Variants in C3 observed in about 807,000 individuals in gnomAD.
C3 encodes C3 and PZP-like alpha-2-macroglobulin domain-containing protein 1.
In C3, 97 loss-of-function variants were observed where a neutral mutation model predicts 207.9. The observed-to-expected ratio is 0.47, with a 90% confidence interval of 0.40 to 0.55. The LOEUF (loss-of-function observed/expected upper bound fraction) is 0.55, where lower values mean the gene tolerates loss of function less well. Ranked by LOEUF, C3 falls within the 20% of genes least tolerant of loss-of-function variation. The pLI is 0.00. For missense variants in C3, 1,684 were observed against 2,171.7 expected (o/e 0.78, Z 4.46); for synonymous variants, 848 against 857.6 (o/e 0.99, Z 0.20).
chr19:6,682,857 A>T (rs896255488), intron 33 of C3: 2 of 155,904 alleles, frequency 1.3e-5, no homozygotes, highest in African/African-American at 4.8e-5. Context: ...ACAACAATGT[A>T]TCACGAAAAG....
At position 6,681,969 on chromosome 19, in the gene C3, C is replaced by T. The variant is rs1176017907; in HGVS notation, c.4322G>A (p.Arg1441Lys). The T allele has an allele frequency of 1.2e-6, 2 of 1,614,040 alleles. No individual in the cohort carries two copies. The change falls in exon 35 of 41, where the codon AGG (arginine) becomes AAG (lysine). Residue 1441 changes from arginine to lysine, a missense_variant. Around this residue, in one of 3 missense-constraint regions of C3, gnomAD observed 346 missense variants for 380.1 expected, o/e 0.91. Coordinates refer to ENST00000245907, the MANE Select transcript of C3 (RefSeq NM_000064.4). Reference protein sequence around the residue: ...KYELDKAFSDRNTLIIYLDKV... With the variant: ...KYELDKAFSDKNTLIIYLDKV... ...GTCCAGGTAGATGATGAGGGTGTTC[C>T]TATCGGAGAAGGCTTTGTCCAGCTC...
intron 17 of C3, among the ~76,000 whole-genome samples, chr19:6,703,758 C>G (rs1287409065): frequency 6.6e-6 from 1 of 151,876 alleles, no homozygotes; most frequent in Non-Finnish European, 1.5e-5. Context: ...GTGCAGAACA[C>G]TGAAGAAGCG....
chr19:6,710,584 G>C, intron 13 of C3, 55 bp downstream of exon 13: 1 of 1,358,184 alleles, frequency 7.4e-7, no homozygotes, highest in Non-Finnish European at 1.0e-6. Flanking sequence ...GAGAGAGAGA[G>C]AGAGAGAGGA....
At chr19:6,700,178 G>T (rs375678626) in intron 19 of C3, among the ~76,000 whole-genome samples, 1 of 136,942 alleles carries the variant, frequency 7.3e-6, no homozygotes. Context: ...CATATTATAT[G>T]TTTACATAAT....
At chr19:6,702,964 G>A (rs1967705440) in intron 17 of C3, 1 of 305,130 alleles carries the variant, frequency 3.3e-6, no homozygotes, top group South Asian at 3.1e-5. Context: ...AACCCAGGAG[G>A]TGGAGGTTGC....
chr19:6,697,049 T>TAAA lies in C3; in HGVS notation c.2796+292_2796+294dup, dbSNP rs202245108. Among the ~76,000 whole-genome samples the TAAA allele has an allele frequency of 1.2e-3, 114 of 91,524 alleles. 1 individual carries two copies. Among genetic ancestry groups the TAAA allele is most frequent in the African/African-American group, 3.9e-3 (104 of 26,418 alleles). The allele number at this position is 91,524 out of a possible 152,430, so 60.0% of individuals were successfully genotyped here. ...AGAGTGAGACTCTGTCTCAAAAAAATAAACAAACAAATAAATAAATAAATA... is the reference window on the plus strand; with the variant it reads ...AGAGTGAGACTCTGTCTCAAAAAAATAAAAAACAAACAAATAAATAAATAAATA... On this transcript the variant is annotated intron_variant, in intron 21 of 40. Coordinates refer to ENST00000245907, the MANE Select transcript of C3 (RefSeq NM_000064.4).
chr19:6,713,717 C>T (rs1292850293), intron 7 of C3: 5 of 449,544 alleles, frequency 1.1e-5, no homozygotes, highest in African/African-American at 3.0e-5. Context: ...TCCAGCCCCT[C>T]ACCTGGCCCC....
At position 6,710,764 on chromosome 19, in the gene C3, T is replaced by C. The variant is rs1967904943; in HGVS notation, c.1561A>G (p.Ile521Val). Reference protein sequence around the residue: ...GQDLVVLPLSITTDFIPSFRL... With the variant: ...GQDLVVLPLSVTTDFIPSFRL... ...AAGGAAGGGATGAAGTCGGTGGTGATGGACAGGGGCAGCACCACCAGGTCC... is the reference window on the plus strand; with the variant it reads ...AAGGAAGGGATGAAGTCGGTGGTGACGGACAGGGGCAGCACCACCAGGTCC... The change falls in exon 13 of 41, where the codon ATC becomes GTC. Residue 521 changes from isoleucine to valine, a missense_variant. Physicochemically the swap from Ile to Val is conservative, Grantham distance 29. Around this residue, in one of 3 missense-constraint regions of C3, gnomAD observed 1,280 missense variants for 1,739.1 expected, o/e 0.74. Coordinates refer to ENST00000245907, the MANE Select transcript of C3 (RefSeq NM_000064.4). The C allele has an allele frequency of 6.2e-7, 1 of 1,613,862 alleles. No homozygotes were observed. The highest frequency in any genetic ancestry group is 8.5e-7 in the Non-Finnish European group (1 of 1,180,020).
At position 6,718,362 on chromosome 19, in the gene C3, C is replaced by G; in HGVS notation, c.318G>C (p.Val106=). ...FKSEKGRNKF[V]TVQATFGTQV... ...GGGTCCCGAAGGTGGCCTGCACGGTCACGAACTTGTTGCGCCCCTTTTCTG... is the reference window on the plus strand; with the variant it reads ...GGGTCCCGAAGGTGGCCTGCACGGTGACGAACTTGTTGCGCCCCTTTTCTG... The change falls in exon 3 of 41, where the codon GTG becomes GTC. Residue 106 remains valine (V), a synonymous_variant. Transcript: ENST00000245907. 1 of 1,614,212 alleles carries G rather than the reference C, an allele frequency of 6.2e-7. No homozygotes were observed. The highest frequency in any genetic ancestry group is 8.5e-7 in the Non-Finnish European group (1 of 1,180,038).
At position 6,678,133 on chromosome 19, in the gene C3, G is replaced by A. The variant is rs1377008346; in HGVS notation, c.4850+19C>T. The A allele has an allele frequency of 3.1e-6, 5 of 1,614,178 alleles. No homozygotes were observed. Among genetic ancestry groups the A allele is most frequent in the South Asian group, 2.2e-5 (2 of 91,086 alleles). On this transcript the variant is annotated intron_variant, in intron 40 of 40. Coordinates refer to ENST00000245907, the MANE Select transcript of C3 (RefSeq NM_000064.4). Reference sequence around the variant, plus strand: ...GGGGCAGTCGGGCGGTCGCGCGCACGCGCAGGGAAAGCACTCACTTGGGCT... The same window carrying A: ...GGGGCAGTCGGGCGGTCGCGCGCACACGCAGGGAAAGCACTCACTTGGGCT...
chr19:6,702,069 G>T, intron 19 of C3, 58 bp downstream of exon 19: 3 of 879,538 alleles, frequency 3.4e-6, no homozygotes, highest in South Asian at 2.6e-5. Context: ...AAAATGAGAT[G>T]ACACTCAGAC....
rs1918141924 is a variant in C3, at chr19:6,690,635, C to T, written c.3483G>A (p.Gln1161=). Residue 1161 remains glutamine (Q), a synonymous_variant, in exon 27 of 41, where the codon CAG becomes CAA. Transcript: ENST00000245907. The part of the protein sequence containing the change: ...LQEAKDICEE[Q]VNSLPGSITK... ...GAAGATGGAGGGCACTTACGTTGAC[C>T]TGCTCCTCGCAAATATCTTTAGCCT... is the stretch of plus-strand genomic sequence containing the variant. 4 of 1,613,788 alleles carry T rather than the reference C, an allele frequency of 2.5e-6. No individual in the cohort carries two copies. The Admixed American group carries it at 5.0e-5, about 20-fold the overall frequency.
In C3 at chr19:6,706,259, C is replaced by T. The variant is rs1034143761; in HGVS notation, c.2245+817G>A. On this transcript the variant is annotated intron_variant, in intron 17 of 40. Coordinates refer to ENST00000245907, the MANE Select transcript of C3 (RefSeq NM_000064.4). The stretch of plus-strand genomic sequence containing the variant: ...CCTCAGACCTCCAATGTCCTGGGCA[C>T]TGGTGATGTCCAATTCAGACTGATG... 1.3e-5 allele frequency among the ~76,000 whole-genome samples: 2 copies of T among 152,224 alleles called. 1 individual carries two copies. The highest frequency in any genetic ancestry group is 4.1e-4 in the South Asian group (2 of 4,838).
chr19:6,712,588 G>A lies in C3; in HGVS notation c.1039C>T (p.Pro347Ser), dbSNP rs1568226131. ...ATCTGGTAGGGAGAGGTCACGATGG[G>A]GATCCCGCTGCGCTCTGCCTGCACC... is the stretch of plus-strand genomic sequence containing the variant. ...DMVQAERSGIPIVTSPYQIHF... is the reference protein window; with the variant it reads ...DMVQAERSGISIVTSPYQIHF... Residue 347 changes from proline to serine, a missense_variant, in exon 10 of 41, where the codon CCC (proline) becomes TCC (serine). Pro to Ser is a moderately conservative substitution (Grantham distance 74). Coordinates refer to ENST00000245907, the MANE Select transcript of C3 (RefSeq NM_000064.4). 1 of 1,614,130 alleles carries A rather than the reference G, an allele frequency of 6.2e-7. No homozygotes were observed. Among genetic ancestry groups the A allele is most frequent in the Non-Finnish European group, 8.5e-7 (1 of 1,179,988 alleles).
Position 6,686,515 on chromosome 19 carries a change from C to T in C3, c.3647-228G>A, listed in dbSNP as rs184732762. ...ATACGCATTTGTTGAATAAATGACG[C>T]AACAAACTTTCTCGTGTGGTTTACA... On this transcript the variant is annotated intron_variant, in intron 28 of 40. Transcript: ENST00000245907. The T allele has an allele frequency of 4.2e-6, 3 of 716,158 alleles. No homozygotes were observed. In the East Asian group the frequency reaches 7.5e-5, roughly 18 times the overall value. The allele number at this position is 716,158 out of a possible 1,614,324, so 44.4% of individuals were successfully genotyped here. A position where few individuals can be genotyped will look rare whatever the true frequency, so the allele number is the denominator to read the frequency against.
rs886372400 is a variant in C3, at chr19:6,684,358, A to G, written c.4172+30T>C. ...TCTTGCTAGAGATAGAGGGATGGCC[A>G]AGATGAACCCCGGTGACCTAGCTTC... On this transcript the variant is annotated intron_variant, in intron 33 of 40. Transcript: ENST00000245907. 6 of 1,595,080 alleles carry G rather than the reference A, an allele frequency of 3.8e-6. No homozygotes were observed. The Admixed American group carries it at 1.0e-4, about 27-fold the overall frequency.
chr19:6,713,654 C>G (rs1186830874), intron 7 of C3, 145 bp from the exon 8 acceptor site: 1 of 625,104 alleles, frequency 1.6e-6, no homozygotes, highest in Non-Finnish European at 2.8e-6. Context: ...CTCACCTGGC[C>G]CCACCCCCAG....
chr19:6,697,364 T>C lies in C3; in HGVS notation c.2776A>G (p.Arg926Gly). 1.9e-6 allele frequency: 3 copies of C among 1,614,076 alleles called. No individual in the cohort carries two copies. Among genetic ancestry groups the C allele is most frequent in the Non-Finnish European group, 2.5e-6 (3 of 1,179,956 alleles). ...CTCACCACGACCTTCAGGGACTTCC[T>C]GACACCGTCACTGATGAAATGATGG... is the stretch of plus-strand genomic sequence containing the variant. ...VYHHFISDGVRKSLKVVPEGI... is the reference protein window; with the variant it reads ...VYHHFISDGVGKSLKVVPEGI... Residue 926 changes from arginine (R) to glycine (G), a missense_variant, in exon 21 of 41, where the codon AGG (arginine) becomes GGG (glycine). Around this residue, in one of 3 missense-constraint regions of C3, gnomAD observed 1,280 missense variants for 1,739.1 expected, o/e 0.74. Transcript: ENST00000245907.
At chr19:6,695,588 T>C (rs1967514847) in intron 23 of C3, among the ~76,000 whole-genome samples, 1 of 152,032 alleles carries the variant, frequency 6.6e-6, no homozygotes, top group African/African-American at 2.4e-5. Context: ...CAATCGATTA[T>C]CCTGCTTCAG....
Sources: allele counts gnomAD v4.1 joint callset (sites outside exome capture counted in the v4.1 genomes callset), GRCh38; gene constraint gnomAD v4.1.1; regional missense constraint gnomAD v4.1.1; transcripts MANE v1.5; gene names NCBI Gene and HGNC (gene_info 2026-07-23, HGNC 2026-07-21).